The following AFG2B variants were observed in gnomAD, a reference collection of about 807,000 sequenced individuals.
AFG2B encodes AAA ATPase AFG2B.
At chr15:45,415,932 T>G in the AFG2B span, 1 of 714,970 alleles carries the variant, frequency 1.4e-6, no homozygotes, top group Non-Finnish European at 2.1e-6. Flanking sequence ...AGTTTGACTT[T>G]GTTAGGACTT....
the AFG2B span, chr15:45,402,610 G>A: frequency 1.3e-6 from 2 of 1,575,460 alleles, no homozygotes; most frequent in Non-Finnish European, 8.6e-7. Flanking sequence ...CCTCTGCACT[G>A]CCTGGCCTCG....
At chr15:45,420,325 G>A in the AFG2B span, among the ~76,000 whole-genome samples, 1 of 152,022 alleles carries the variant, frequency 6.6e-6, no homozygotes, top group East Asian at 1.9e-4. Context: ...GTCTATTTAT[G>A]TCTATTTGTA....
the AFG2B span, chr15:45,414,627 A>G: frequency 1.2e-6 from 2 of 1,614,158 alleles, no homozygotes; most frequent in South Asian, 2.2e-5. Context: ...GCCTGACACA[A>G]CCAAAGGGAG....
At chr15:45,410,595 G>A in the AFG2B span, 4 of 1,470,280 alleles carry the variant, frequency 2.7e-6, no homozygotes, top group Non-Finnish European at 3.7e-6. Context: ...CATTTATGAT[G>A]ACAACATACT....
At chr15:45,417,176 T>A in the AFG2B span, 2 of 1,465,762 alleles carry the variant, frequency 1.4e-6, no homozygotes, top group Non-Finnish European at 1.9e-6. Context: ...AGGATATCCC[T>A]ATTTGAATTT....
the AFG2B span, chr15:45,417,615 G>A: frequency 2.1e-6 from 1 of 469,152 alleles, no homozygotes. Context: ...TTTTTGTGTT[G>A]TGGCAGACTC....
chr15:45,414,475 A>C, the AFG2B span: 14 of 1,135,268 alleles, frequency 1.2e-5, no homozygotes, highest in African/African-American at 2.0e-4. Flanking sequence ...TCATAATAGG[A>C]GGCTGAGAAT....
chr15:45,403,091 G>A, the AFG2B span: 5 of 1,523,888 alleles, frequency 3.3e-6, no homozygotes, highest in African/African-American at 4.2e-5. Flanking sequence ...CTCCCGCTCC[G>A]CTACCCGCGC....
chr15:45,403,189 G>A, the AFG2B span: 1 of 1,460,570 alleles, frequency 6.8e-7, no homozygotes, highest in Non-Finnish European at 8.9e-7. Flanking sequence ...GGTGCGGGCC[G>A]TGGCGCGCGA....
the AFG2B span, chr15:45,402,538 C>T: frequency 1.3e-6 from 2 of 1,596,478 alleles, no homozygotes; most frequent in Non-Finnish European, 1.7e-6. Flanking sequence ...GGCCGCCCTC[C>T]ACGCCCTGGG....
At chr15:45,415,691 A>G in the AFG2B span, 12 of 1,614,038 alleles carry the variant, frequency 7.4e-6, no homozygotes, top group Admixed American at 5.0e-5. Flanking sequence ...GTGATGTTCA[A>G]GAACGAGTTC....
the AFG2B span, among the ~76,000 whole-genome samples, chr15:45,404,225 AG>A: frequency 2.0e-5 from 3 of 152,202 alleles, no homozygotes; most frequent in African/African-American, 7.2e-5. Context: ...TAGCTCAGTT[AG>A]TTCAGGACTT....
At chr15:45,406,573 T>C in the AFG2B span, among the ~76,000 whole-genome samples, 1 of 152,226 alleles carries the variant, frequency 6.6e-6, no homozygotes, top group Non-Finnish European at 1.5e-5. Flanking sequence ...TTAAATATAA[T>C]ACTTTTCAAC....
the AFG2B span, chr15:45,417,223 A>G: frequency 1.3e-6 from 2 of 1,588,962 alleles, no homozygotes; most frequent in East Asian, 4.5e-5. Context: ...TAGAAAACTT[A>G]TTAACAACTG....
the AFG2B span, chr15:45,402,944 C>A: frequency 1.3e-5 from 20 of 1,597,970 alleles, no homozygotes; most frequent in Admixed American, 1.7e-5. Context: ...ACGCCCAGTC[C>A]CGATCCCGCT....
chr15:45,405,725 C>A, the AFG2B span, among the ~76,000 whole-genome samples: 3 of 152,092 alleles, frequency 2.0e-5, no homozygotes, highest in Non-Finnish European at 4.4e-5. Context: ...AATTTGTTCC[C>A]TACTCTTATA....
the AFG2B span, chr15:45,406,966 A>C: frequency 8.2e-7 from 1 of 1,222,798 alleles, no homozygotes. Flanking sequence ...CTTTTGAGGG[A>C]GACAATAAGT....
the AFG2B span, chr15:45,421,184 G>A: frequency 6.2e-7 from 1 of 1,606,792 alleles, no homozygotes; most frequent in Non-Finnish European, 8.5e-7. Context: ...TAAGAAAGAA[G>A]GATTTTCTAA....
At chr15:45,407,343 A>G in the AFG2B span, 1 of 662,210 alleles carries the variant, frequency 1.5e-6, no homozygotes, top group Non-Finnish European at 2.1e-6. Context: ...AAGTATTCCT[A>G]TTAAAGGATT....
Sources: allele counts gnomAD v4.1 joint callset (sites outside exome capture counted in the v4.1 genomes callset), GRCh38; gene constraint gnomAD v4.1.1; transcripts MANE v1.5; gene names NCBI Gene and HGNC (gene_info 2026-07-23, HGNC 2026-07-21).